Variants in ZNF493 observed in about 807,000 individuals in gnomAD.
ZNF493 encodes zinc finger protein 493.
ZNF493 carries 11 observed loss-of-function variants against 12.2 expected under a neutral mutation model. That is an observed-to-expected ratio of 0.90 (90% CI 0.57 to 1.50). The LOEUF (loss-of-function observed/expected upper bound fraction) is 1.50, where lower values mean the gene tolerates loss of function less well. Ranked by LOEUF, ZNF493 falls within the 40% of genes most tolerant of loss-of-function variation. The pLI is 0.00. For missense variants in ZNF493, 950 were observed against 906.6 expected (o/e 1.05, Z -0.61); for synonymous variants, 286 against 302.6 (o/e 0.95, Z 0.57).
chr19:21,423,338 A>G lies in ZNF493; in HGVS notation c.679A>G (p.Arg227Gly). 6.2e-7 allele frequency: 1 copy of G among 1,613,780 alleles called. No homozygotes were observed. The change falls in exon 4 of 4, where the codon AGA becomes GGA. Residue 227 changes from arginine to glycine, a missense_variant. Coordinates refer to ENST00000392288, the MANE Select transcript of ZNF493 (RefSeq NM_001076678.3). ...CTTTATCTGGTTTTCAACCCTTACTAGACACAGGAGAGTTCATACTGGAGA... is the reference window on the plus strand; with the variant it reads ...CTTTATCTGGTTTTCAACCCTTACTGGACACAGGAGAGTTCATACTGGAGA... ...KAFIWFSTLT[R>G]HRRVHTGEKS...
intron 1 of ZNF493, among the ~76,000 whole-genome samples, chr19:21,400,156 A>T (rs1460277927): frequency 2.6e-5 from 4 of 152,232 alleles, no homozygotes; most frequent in Non-Finnish European, 5.9e-5. Context: ...TCATGCCTGT[A>T]ATCCCAGCAC....
At chr19:21,403,913 A>G (rs1339712585) in intron 1 of ZNF493, among the ~76,000 whole-genome samples, 1 of 152,178 alleles carries the variant, frequency 6.6e-6, no homozygotes, top group Non-Finnish European at 1.5e-5. Context: ...TCTTAAAATG[A>G]ATTTATAATC....
In ZNF493 at chr19:21,405,434, C is replaced by G. The variant is rs2030090467; in HGVS notation, c.157+179C>G. On this transcript the variant is annotated intron_variant, in intron 2 of 3. Transcript: ENST00000392288. The stretch of plus-strand genomic sequence containing the variant: ...ATTTCTTCAGGATGTTTTATCTTGG[C>G]CTGATCTTTTTACATTTCTGAGCCG... The G allele has an allele frequency of 3.5e-6, 5 of 1,417,126 alleles. No individual in the cohort carries two copies. The East Asian group carries it at 1.3e-4, about 37-fold the overall frequency. 87.8% of individuals were successfully genotyped at this position (1,417,126 alleles called of 1,614,324 possible).
chr19:21,424,033 G>A lies in ZNF493; in HGVS notation c.1374G>A (p.Glu458=), dbSNP rs773305760. 11 of 1,612,916 alleles carry A rather than the reference G, an allele frequency of 6.8e-6. No homozygotes were observed. The African/African-American group carries it at 1.3e-4, about 20-fold the overall frequency. The stretch of plus-strand genomic sequence containing the variant: ...AACATAAAATAATTCATACAGAAGA[G>A]AAACCCTACAAATGTGAAGAATGTG... ...LTKHKIIHTE[E]KPYKCEECGK... Residue 458 remains glutamate (E), a synonymous_variant, in exon 4 of 4, where the codon GAG becomes GAA. Coordinates refer to ENST00000392288, the MANE Select transcript of ZNF493 (RefSeq NM_001076678.3).
At position 21,426,078 on chromosome 19, in the gene ZNF493, T is replaced by C; in HGVS notation, c.*1094T>C. 3.0e-6 allele frequency: 1 copy of C among 337,772 alleles called. No homozygotes were observed. The highest frequency in any genetic ancestry group is 7.3e-5 in the East Asian group (1 of 13,698). The allele number at this position is 337,772 out of a possible 1,614,324, so 20.9% of individuals were successfully genotyped here. A position where few individuals can be genotyped will look rare whatever the true frequency, so the allele number is the denominator to read the frequency against. On this transcript the variant is annotated 3_prime_UTR_variant, in exon 4 of 4. Coordinates refer to ENST00000392288, the MANE Select transcript of ZNF493 (RefSeq NM_001076678.3). ...TCCTCAGTTCTTAACACACATACGA[T>C]AATTCTTACTGCAGAGAAACTCTAC...
intron 1 of ZNF493, chr19:21,397,963 C>T (rs965306842): frequency 1.3e-5 from 2 of 152,180 alleles, no homozygotes; most frequent in Non-Finnish European, 2.9e-5. Flanking sequence ...AAAAATAATG[C>T]ACCTGAGTTA....
At chr19:21,421,705 C>T (rs1369591300) in intron 3 of ZNF493, among the ~76,000 whole-genome samples, 4 of 152,092 alleles carry the variant, frequency 2.6e-5, no homozygotes, top group Non-Finnish European at 4.4e-5. Context: ...TAAAAAGTTA[C>T]CTGTCACAAT....
intron 3 of ZNF493, among the ~76,000 whole-genome samples, chr19:21,407,166 G>A (rs2030158088): frequency 6.6e-6 from 1 of 152,058 alleles, no homozygotes; most frequent in African/African-American, 2.4e-5. Context: ...TCGCCATTAT[G>A]GTGAAACCCC....
chr19:21,403,716 T>A (rs75253985), intron 1 of ZNF493, among the ~76,000 whole-genome samples: 412 of 116,068 alleles, frequency 3.5e-3, no homozygotes, highest in Admixed American at 5.1e-3. Flanking sequence ...GCCTCCTGGA[T>A]TGCCATGCGT....
Position 21,424,208 on chromosome 19 carries a change from T to C in ZNF493, c.1549T>C (p.Tyr517His), listed in dbSNP as rs1316611317. Residue 517 changes from tyrosine to histidine, a missense_variant, in exon 4 of 4, where the codon TAC (tyrosine) becomes CAC (histidine). By Grantham distance (83) the Tyr-to-His change is moderately conservative. Transcript: ENST00000392288. ...HKIIHTGEKP[Y>H]KCEECGKAFK... ...AATAATTCATACTGGAGAAAAACCC[T>C]ACAAATGTGAAGAATGTGGCAAAGC... is the stretch of plus-strand genomic sequence containing the variant. The C allele has an allele frequency of 1.9e-6, 3 of 1,612,292 alleles. No homozygotes were observed. In the African/African-American group the frequency reaches 4.0e-5, roughly 22 times the overall value.
Position 21,397,189 on chromosome 19 carries a change from A to G in ZNF493, c.-49A>G, listed in dbSNP as rs372269964. On this transcript the variant is annotated 5_prime_UTR_variant, in exon 1 of 4. Transcript: ENST00000392288. ...CTACCCTTCACTGCTCTGTGTCCTC[A>G]GCGTGTGTGGCTTCGTGACCTGAAG... is the stretch of plus-strand genomic sequence containing the variant. 7 of 1,611,926 alleles carry G rather than the reference A, an allele frequency of 4.3e-6. No individual in the cohort carries two copies. In the South Asian group the frequency reaches 4.4e-5, roughly 10 times the overall value.
At position 21,399,722 on chromosome 19, in the gene ZNF493, T is replaced by TA. The variant is rs1419443423; in HGVS notation, c.30+2456dup. Among the ~76,000 whole-genome samples, 9 of 152,190 alleles carry TA rather than the reference T, an allele frequency of 5.9e-5. No homozygotes were observed. The East Asian group carries it at 1.2e-3, about 20-fold the overall frequency. On this transcript the variant is annotated intron_variant, in intron 1 of 3. Coordinates refer to ENST00000392288, the MANE Select transcript of ZNF493 (RefSeq NM_001076678.3). ...TGAATTTTCTCAGGTGTGTTTTTTT[T>TA]ATAGCTGGGTGATTTCAAACAGAAT...
Position 21,425,264 on chromosome 19 carries a change from A to C in ZNF493, c.*280A>C. On this transcript the variant is annotated 3_prime_UTR_variant, in exon 4 of 4. Coordinates refer to ENST00000392288, the MANE Select transcript of ZNF493 (RefSeq NM_001076678.3). ...ATAAGAGAATTCATACCATAGAGAA[A>C]TCCTACAAATATGAAGAATGTGACA... The C allele has an allele frequency of 2.0e-6, 1 of 490,970 alleles. No individual in the cohort carries two copies. The highest frequency in any genetic ancestry group is 3.8e-6 in the Non-Finnish European group (1 of 261,170). 30.4% of individuals were successfully genotyped at this position (490,970 alleles called of 1,614,324 possible).
intron 3 of ZNF493, among the ~76,000 whole-genome samples, chr19:21,411,645 A>T (rs999248321): frequency 6.6e-6 from 1 of 151,774 alleles, no homozygotes. Context: ...GCTTGAACCC[A>T]GGAGGCAGAG....
At chr19:21,407,446 G>A (rs62110420) in intron 3 of ZNF493, 24,387 of 166,848 alleles carry the variant, frequency 0.15, 2,310 homozygotes, top group Non-Finnish European at 0.21. Flanking sequence ...CTGCCACCAT[G>A]CCTGGCTAAT....
At chr19:21,408,246 C>T (rs1005588646) in intron 3 of ZNF493, 1 of 695,728 alleles carries the variant, frequency 1.4e-6, no homozygotes, top group African/African-American at 2.0e-5. Flanking sequence ...CTACCTCAGC[C>T]TCCTGAGTAG....
At chr19:21,408,804 A>G (rs903515998) in intron 3 of ZNF493, 2 of 980,738 alleles carry the variant, frequency 2.0e-6, no homozygotes, top group African/African-American at 1.8e-5. Context: ...TCACAATCAT[A>G]TATGTGTGTG....
intron 2 of ZNF493, 70 bp downstream of exon 2, chr19:21,405,325 A>G: frequency 6.4e-7 from 1 of 1,550,924 alleles, no homozygotes; most frequent in Non-Finnish European, 8.7e-7. Context: ...TCATAGAATA[A>G]TTTTTGGTAA....
At chr19:21,418,530 C>T (rs952372797) in intron 3 of ZNF493, among the ~76,000 whole-genome samples, 1 of 152,156 alleles carries the variant, frequency 6.6e-6, no homozygotes, top group Non-Finnish European at 1.5e-5. Context: ...ATGGACGCCA[C>T]TTGCTGAGAC....
Sources: allele counts gnomAD v4.1 joint callset (sites outside exome capture counted in the v4.1 genomes callset), GRCh38; gene constraint gnomAD v4.1.1; transcripts MANE v1.5; gene names NCBI Gene and HGNC (gene_info 2026-07-23, HGNC 2026-07-21).